The following FYB1 variants were observed in gnomAD, a reference collection of about 807,000 sequenced individuals.
The protein encoded by FYB1 is FYN-binding protein 1.
In FYB1, 41 loss-of-function variants were observed where a neutral mutation model predicts 94.1. That is an observed-to-expected ratio of 0.44 (90% CI 0.34 to 0.57). The LOEUF is 0.57. Ranked by LOEUF, FYB1 falls within the 20% of genes least tolerant of loss-of-function variation. The pLI, the probability that FYB1 is intolerant of heterozygous loss-of-function variation, is 0.02. For synonymous variants in FYB1, 367 were observed against 353.2 expected (o/e 1.04, Z -0.44); for missense variants, 1,050 against 976.8 (o/e 1.07, Z -1.00).
At chr5:39,141,776 GT>G (rs1373123688) in intron 3 of FYB1, among the ~76,000 whole-genome samples, 47 of 152,028 alleles carry the variant, frequency 3.1e-4, no homozygotes, top group Non-Finnish European at 3.5e-4. Flanking sequence ...GGAGGCTGAG[GT>G]AGGAGAATTG....
intron 1 of FYB1, among the ~76,000 whole-genome samples, chr5:39,264,051 G>A (rs4957427): frequency 5.3e-5 from 8 of 152,064 alleles, no homozygotes; most frequent in Non-Finnish European, 7.4e-5. Flanking sequence ...GTGCTTGGAT[G>A]TAAGGACAGA....
At chr5:39,238,704 A>G (rs981857286) in intron 1 of FYB1, among the ~76,000 whole-genome samples, 1 of 152,120 alleles carries the variant, frequency 6.6e-6, no homozygotes, top group Non-Finnish European at 1.5e-5. Flanking sequence ...AAATCTGTCT[A>G]GGAGCTTATC....
intron 16 of FYB1, among the ~76,000 whole-genome samples, chr5:39,115,827 AG>A (rs1235993199): frequency 6.6e-6 from 1 of 152,208 alleles, no homozygotes; most frequent in Non-Finnish European, 1.5e-5. Context: ...TTAACCCGAA[AG>A]TCAGTAACAT....
intron 13 of FYB1, among the ~76,000 whole-genome samples, chr5:39,122,945 T>TCTTG (rs1740268198): frequency 6.6e-6 from 1 of 152,178 alleles, no homozygotes. Context: ...ATTATTTCTT[T>TCTTG]TAATTAAATA....
intron 2 of FYB1, among the ~76,000 whole-genome samples, chr5:39,180,696 C>G (rs1746144465): frequency 6.6e-6 from 1 of 152,112 alleles, no homozygotes; most frequent in South Asian, 2.1e-4. Flanking sequence ...GTTGGTATTT[C>G]CCACTAAATG....
intron 1 of FYB1, among the ~76,000 whole-genome samples, chr5:39,224,997 G>A (rs1750411810): frequency 6.6e-6 from 1 of 152,058 alleles, no homozygotes; most frequent in African/African-American, 2.4e-5. Flanking sequence ...TGCTACATGG[G>A]GTTTTATTAG....
chr5:39,232,444 G>T (rs1055355428), intron 1 of FYB1, among the ~76,000 whole-genome samples: 6 of 151,964 alleles, frequency 3.9e-5, no homozygotes, highest in African/African-American at 1.5e-4. Context: ...GCTGACAACG[G>T]ACCCAGCTGT....
At chr5:39,130,771 C>T (rs989114774) in intron 9 of FYB1, among the ~76,000 whole-genome samples, 159 bp from the exon 10 acceptor site, 47 of 152,164 alleles carry the variant, frequency 3.1e-4, no homozygotes, top group East Asian at 5.8e-4. Context: ...TCCTTATCAT[C>T]ATAGATGGGT....
intron 13 of FYB1, among the ~76,000 whole-genome samples, chr5:39,122,689 A>G (rs1049906216): frequency 5.9e-5 from 9 of 152,178 alleles, no homozygotes; most frequent in South Asian, 2.1e-4. Flanking sequence ...CTGAAGATCT[A>G]CAAGTGCAAT....
chr5:39,241,242 A>G (rs1751191942), intron 1 of FYB1, among the ~76,000 whole-genome samples: 1 of 152,290 alleles, frequency 6.6e-6, no homozygotes, highest in East Asian at 1.9e-4. Flanking sequence ...GTGATGAAAT[A>G]ATCTGTACAA....
intron 2 of FYB1, among the ~76,000 whole-genome samples, chr5:39,179,693 GGT>G (rs1370326589): frequency 6.6e-6 from 1 of 151,878 alleles, no homozygotes; most frequent in African/African-American, 2.4e-5. Context: ...CTACCAGGCT[GGT>G]CTCAAACTCC....
At chr5:39,115,639 G>A (rs1043082843) in intron 16 of FYB1, among the ~76,000 whole-genome samples, 7 of 152,006 alleles carry the variant, frequency 4.6e-5, no homozygotes, top group Non-Finnish European at 1.0e-4. Flanking sequence ...GAGAGGGAGG[G>A]TTAAAAAATC....
chr5:39,216,000 G>C (rs976469005), intron 1 of FYB1, among the ~76,000 whole-genome samples: 1 of 152,140 alleles, frequency 6.6e-6, no homozygotes, highest in African/African-American at 2.4e-5. Flanking sequence ...AAGAGAGGTA[G>C]AGGTTTTAGT....
chr5:39,172,262 A>G (rs1745317430), intron 2 of FYB1, among the ~76,000 whole-genome samples: 1 of 152,086 alleles, frequency 6.6e-6, no homozygotes. Context: ...CATGGCCAAC[A>G]TGGTGAAACT....
At chr5:39,118,389 G>C (rs1269136456) in intron 16 of FYB1, among the ~76,000 whole-genome samples, 1 of 152,178 alleles carries the variant, frequency 6.6e-6, no homozygotes, top group Non-Finnish European at 1.5e-5. Context: ...TGTATAATTT[G>C]ATATTCTCCA....
At chr5:39,203,056 C>A in intron 1 of FYB1, 69 bp from the exon 2 acceptor site, 5 of 1,344,590 alleles carry the variant, frequency 3.7e-6, no homozygotes, top group East Asian at 2.3e-5. Context: ...AAATACTATA[C>A]CTTACAGAGC....
intron 18 of FYB1, among the ~76,000 whole-genome samples, chr5:39,107,983 A>C (rs1038369065): frequency 5.9e-5 from 9 of 152,060 alleles, no homozygotes; most frequent in Admixed American, 3.3e-4. Context: ...TACAATAAAA[A>C]ATTTCCCAAA....
chr5:39,167,101 A>G (rs1744808488), intron 2 of FYB1, among the ~76,000 whole-genome samples: 1 of 152,180 alleles, frequency 6.6e-6, no homozygotes, highest in African/African-American at 2.4e-5. Context: ...TAAAAGCTGC[A>G]ATTAACTTTG....
chr5:39,163,671 T>C (rs896557661), intron 2 of FYB1, among the ~76,000 whole-genome samples: 2 of 152,232 alleles, frequency 1.3e-5, no homozygotes, highest in African/African-American at 4.8e-5. Context: ...GAAATTCAAA[T>C]TAGGCGGTAA....
Sources: gnomAD v4.1 joint callset for allele counts (sites outside exome capture counted in the v4.1 genomes callset) on GRCh38, gnomAD v4.1.1 for gene constraint, MANE v1.5 for transcripts, NCBI Gene and HGNC (gene_info 2026-07-23, HGNC 2026-07-21) for gene names.